CYBRD1: variants seen among roughly 807,000 people sequenced by gnomAD.
CYBRD1 encodes the protein plasma membrane ascorbate-dependent reductase CYBRD1.
CYBRD1 carries 14 observed loss-of-function variants against 21.9 expected under a neutral mutation model. The observed-to-expected ratio is 0.64, with a 90% CI of 0.42 to 1.00. The LOEUF is 1.00. Among genes scored for constraint, CYBRD1 ranks in the 50% least tolerant of loss-of-function variants. CYBRD1 has a pLI of 0.00. For synonymous variants in CYBRD1, 146 were observed against 136.5 expected, an observed-to-expected ratio of 1.07 and a Z score of -0.48; for missense variants, 328 against 352.5, an observed-to-expected ratio of 0.93 and a Z score of 0.56.
chr2:171,553,724 G>A (rs1683431343), intron 3 of CYBRD1, among the ~76,000 whole-genome samples: 1 of 152,116 alleles, frequency 6.6e-6, no homozygotes, highest in Non-Finnish European at 1.5e-5. Context: ...AACTATTGAA[G>A]TTATACATTC....
chr2:171,523,931 C>G (rs1445027385), intron 1 of CYBRD1, among the ~76,000 whole-genome samples: 1 of 152,194 alleles, frequency 6.6e-6, no homozygotes, highest in Non-Finnish European at 1.5e-5. Context: ...GAAAGATATG[C>G]CCACTGGCCG....
At chr2:171,553,799 GT>G (rs1683432261) in intron 3 of CYBRD1, among the ~76,000 whole-genome samples, 1 of 152,000 alleles carries the variant, frequency 6.6e-6, no homozygotes, top group Admixed American at 6.6e-5. Flanking sequence ...ATACATTTTT[GT>G]TTCATCCTTT....
intron 1 of CYBRD1, among the ~76,000 whole-genome samples, chr2:171,528,796 C>T (rs1341652041): frequency 6.6e-6 from 1 of 152,180 alleles, no homozygotes; most frequent in African/African-American, 2.4e-5. Flanking sequence ...AAAACCAACT[C>T]CTCCCATAGG....
At chr2:171,531,747 C>T (rs1167213521) in intron 1 of CYBRD1, among the ~76,000 whole-genome samples, 2 of 152,120 alleles carry the variant, frequency 1.3e-5, no homozygotes, top group East Asian at 3.8e-4. Context: ...GGTCAGACAA[C>T]CAGGTAGTAT....
chr2:171,556,316 A>T lies in CYBRD1; in HGVS notation c.*1489A>T. 7.4e-6 allele frequency: 1 copy of T among 135,502 alleles called. No homozygotes were observed. The highest frequency in any genetic ancestry group is 1.6e-5 in the Non-Finnish European group (1 of 62,592). 8.4% of individuals were successfully genotyped at this position (135,502 alleles called of 1,614,324 possible). A position where few individuals can be genotyped will look rare whatever the true frequency, so the allele number is the denominator to read the frequency against. ...CCTGATTTTTATGGAATTTTAGGGG[A>T]TATTTTGAGCTTTGGGTTCTCAGTA... On this transcript the variant is annotated 3_prime_UTR_variant, in exon 4 of 4. Transcript: ENST00000321348.
intron 2 of CYBRD1, among the ~76,000 whole-genome samples, chr2:171,545,531 A>G (rs914263503): frequency 1.3e-5 from 2 of 148,594 alleles, no homozygotes; most frequent in Admixed American, 6.7e-5. Flanking sequence ...GGCTCGTGCC[A>G]CAACATGTGG....
chr2:171,524,452 T>C (rs1697355868), intron 1 of CYBRD1, among the ~76,000 whole-genome samples: 1 of 152,186 alleles, frequency 6.6e-6, no homozygotes, highest in African/African-American at 2.4e-5. Flanking sequence ...CCAAAAAGCT[T>C]TCTGGAGGTC....
In CYBRD1 at chr2:171,550,786, A is replaced by C. The variant is rs1697785992; in HGVS notation, c.403-2560A>C. Among the ~76,000 whole-genome samples, 3 of 152,232 alleles carry C rather than the reference A, an allele frequency of 2.0e-5. No homozygotes were observed. In the South Asian group the frequency reaches 6.2e-4, roughly 31 times the overall value. On this transcript the variant is annotated intron_variant, in intron 2 of 3. Coordinates refer to ENST00000321348, the MANE Select transcript of CYBRD1 (RefSeq NM_024843.4). ...TGAGCCCTACAGGATTGTAAGAGAC[A>C]CACATGACAAATTATGGAGGAAATG...
chr2:171,522,789 G>C lies in CYBRD1; in HGVS notation c.193+51G>C. The C allele has an allele frequency of 2.5e-6, 4 of 1,609,330 alleles. No individual in the cohort carries two copies. The highest frequency in any genetic ancestry group is 1.7e-5 in the Admixed American group (1 of 59,428). On this transcript the variant is annotated intron_variant, in intron 1 of 3. Transcript: ENST00000321348. This position sits in a 1 kb window ranked among gnomAD's most constrained non-coding sequence, Gnocchi z 4.3. ...GGGGAGGAAAGCGGGGAGAACGGCG[G>C]GGGCAGAGGGTCCTCCGTGAAGCCC...
intron 2 of CYBRD1, among the ~76,000 whole-genome samples, chr2:171,545,704 T>A (rs1390767228): frequency 6.6e-6 from 1 of 152,048 alleles, no homozygotes; most frequent in Admixed American, 6.6e-5. Flanking sequence ...TTATTTATTT[T>A]TTAATTGATG....
intron 1 of CYBRD1, among the ~76,000 whole-genome samples, chr2:171,527,506 C>G (rs1291489034): frequency 1.3e-5 from 2 of 152,168 alleles, no homozygotes; most frequent in Non-Finnish European, 2.9e-5. Context: ...AGTAAACACA[C>G]CCTCGCTTTT....
In CYBRD1 at chr2:171,522,901, G is replaced by C. The variant is rs962529305; in HGVS notation, c.193+163G>C. Among the ~76,000 whole-genome samples the C allele has an allele frequency of 6.6e-6, 1 of 152,000 alleles. No homozygotes were observed. The highest frequency in any genetic ancestry group is 2.4e-5 in the African/African-American group (1 of 41,404). The stretch of plus-strand genomic sequence containing the variant: ...GGGAAGCCAAGTCGGCTGGGCGGGA[G>C]GGAGGCTGGCTGGCTCTGGGGCGGG... On this transcript the variant is annotated intron_variant, in intron 1 of 3. Transcript: ENST00000321348. This position sits in a 1 kb window ranked among gnomAD's most constrained non-coding sequence, Gnocchi z 4.3.
chr2:171,550,357 C>T (rs1026104780), intron 2 of CYBRD1, among the ~76,000 whole-genome samples: 5 of 152,010 alleles, frequency 3.3e-5, no homozygotes, highest in African/African-American at 7.2e-5. Context: ...CCTCCTGCCT[C>T]GGCCTCCCAA....
In CYBRD1 at chr2:171,557,812, C is replaced by T. The variant is rs903572313; in HGVS notation, c.*2985C>T. On this transcript the variant is annotated 3_prime_UTR_variant, in exon 4 of 4. Transcript: ENST00000321348. ...GACCACAGTTGCCAATCTAAAAGCA[C>T]AAAGACAGAAGTAAAGCTTTATGCT... The T allele has an allele frequency of 6.6e-6, 1 of 152,120 alleles. No homozygotes were observed. The highest frequency in any genetic ancestry group is 1.5e-5 in the Non-Finnish European group (1 of 68,020). 9.4% of individuals were successfully genotyped at this position (152,120 alleles called of 1,614,324 possible). A position where few individuals can be genotyped will look rare whatever the true frequency, so the allele number is the denominator to read the frequency against.
At chr2:171,546,977 A>G (rs1303699717) in intron 2 of CYBRD1, among the ~76,000 whole-genome samples, 5 of 152,334 alleles carry the variant, frequency 3.3e-5, no homozygotes, top group East Asian at 3.9e-4. Context: ...ATGAGAAACA[A>G]TGGTGGCCTA....
At chr2:171,545,537 T>C (rs1024719525) in intron 2 of CYBRD1, among the ~76,000 whole-genome samples, 1 of 146,716 alleles carries the variant, frequency 6.8e-6, no homozygotes, top group Admixed American at 6.9e-5. Context: ...TGCCACAACA[T>C]GTGGCTAATT....
intron 1 of CYBRD1, among the ~76,000 whole-genome samples, chr2:171,530,037 T>A (rs1697441047): frequency 6.6e-6 from 1 of 152,024 alleles, no homozygotes; most frequent in Admixed American, 6.6e-5. Context: ...AGAAGGAGAT[T>A]TGAGACAAAG....
intron 1 of CYBRD1, among the ~76,000 whole-genome samples, chr2:171,534,080 A>G (rs1305459473): frequency 6.6e-6 from 1 of 152,194 alleles, no homozygotes; most frequent in African/African-American, 2.4e-5. Context: ...AATTATACAC[A>G]GGTATTCACT....
intron 1 of CYBRD1, among the ~76,000 whole-genome samples, chr2:171,524,712 T>C (rs1342607489): frequency 6.6e-6 from 1 of 152,252 alleles, no homozygotes; most frequent in Non-Finnish European, 1.5e-5. Context: ...TCTGCTTTTA[T>C]GGCAATATGC....
Sources: allele counts gnomAD v4.1 joint callset (sites outside exome capture counted in the v4.1 genomes callset), GRCh38; gene constraint gnomAD v4.1.1; non-coding constraint Gnocchi (gnomAD v3.1); transcripts MANE v1.5; gene names NCBI Gene and HGNC (gene_info 2026-07-23, HGNC 2026-07-21).